Variants in TMEM30B observed in about 807,000 individuals in gnomAD.
The protein encoded by TMEM30B is cell division cycle 50 P4-ATPase accessory subunit B.
Under a neutral mutation model 27.9 loss-of-function variants are expected in TMEM30B, and 25 were observed. The observed-to-expected ratio is 0.89, with a 90% CI of 0.65 to 1.25. TMEM30B has a LOEUF of 1.25. Ranked by LOEUF, TMEM30B falls within the 50% of genes most tolerant of loss-of-function variation. The pLI, the probability that TMEM30B is intolerant of heterozygous loss-of-function variation, is 0.00. For synonymous variants in TMEM30B, 248 were observed against 238.5 expected, an observed-to-expected ratio of 1.04 and a Z score of -0.37; for missense variants, 536 against 506.5, an observed-to-expected ratio of 1.06 and a Z score of -0.56.
Position 61,278,648 on chromosome 14 carries a change from A to G in TMEM30B, c.*1444T>C, listed in dbSNP as rs1437780097. ...AAATACCAAATAACTGTTTGTTTTT[A>G]CCAAATAAACTGGTAAGATGATATC... On this transcript the variant is annotated 3_prime_UTR_variant, in exon 1 of 1. Coordinates refer to ENST00000555868, the MANE Select transcript of TMEM30B (RefSeq NM_001017970.3). 19 of 152,220 alleles carry G rather than the reference A, an allele frequency of 1.2e-4. 1 individual carries two copies. The allele number at this position is 152,220 out of a possible 1,614,324, so 9.4% of individuals were successfully genotyped here.
Position 61,281,217 on chromosome 14 carries a change from G to C in TMEM30B, c.-70C>G. On this transcript the variant is annotated 5_prime_UTR_variant, in exon 1 of 1. Coordinates refer to ENST00000555868, the MANE Select transcript of TMEM30B (RefSeq NM_001017970.3). ...CCCGCCGCGGGGCGCCTCCCTCTCC[G>C]CGCCGCGCAAGCCCGGGGACTGCTC... The C allele has an allele frequency of 2.9e-6, 3 of 1,035,718 alleles. No individual in the cohort carries two copies. The highest frequency in any genetic ancestry group is 3.8e-6 in the Non-Finnish European group (3 of 796,728). 64.2% of individuals were successfully genotyped at this position (1,035,718 alleles called of 1,614,324 possible).
rs1405762809 is a variant in TMEM30B, at chr14:61,279,318, T to G, written c.*774A>C. The G allele has an allele frequency of 6.6e-6, 1 of 152,234 alleles. No individual in the cohort carries two copies. Among genetic ancestry groups the G allele is most frequent in the Non-Finnish European group, 1.5e-5 (1 of 68,042 alleles). The allele number at this position is 152,234 out of a possible 1,614,324, so 9.4% of individuals were successfully genotyped here. On this transcript the variant is annotated 3_prime_UTR_variant, in exon 1 of 1. Coordinates refer to ENST00000555868, the MANE Select transcript of TMEM30B (RefSeq NM_001017970.3). The stretch of plus-strand genomic sequence containing the variant: ...CACAAATCATCAAGAGCTTCCTACG[T>G]TCAAGGCAGAGTGCCAGACCAAACC...
rs1049538521 is a variant in TMEM30B, at chr14:61,277,954, A to G, written c.*2138T>C. Reference sequence around the variant, plus strand: ...GTTTGTGCCTTTAAGATCATCGTTCAAAAGAATTCAGCAAACTCGATAACA... The same window carrying G: ...GTTTGTGCCTTTAAGATCATCGTTCGAAAGAATTCAGCAAACTCGATAACA... On this transcript the variant is annotated 3_prime_UTR_variant, in exon 1 of 1. Coordinates refer to ENST00000555868, the MANE Select transcript of TMEM30B (RefSeq NM_001017970.3). The G allele has an allele frequency of 7.9e-5, 12 of 152,224 alleles. No individual in the cohort carries two copies. The highest frequency in any genetic ancestry group is 2.4e-4 in the African/African-American group (10 of 41,462). The allele number at this position is 152,224 out of a possible 1,614,324, so 9.4% of individuals were successfully genotyped here. A position where few individuals can be genotyped will look rare whatever the true frequency, so the allele number is the denominator to read the frequency against.
Position 61,280,887 on chromosome 14 carries a change from C to G in TMEM30B, c.261G>C (p.Ala87=). ...SVCAAAGQGR[A]LPPPCSCAWY... ...AGGCGCACGAGCAGGGGGGCGGCAG[C>G]GCCCGGCCCTGGCCAGCCGCGGCGC... The change falls in exon 1 of 1, where the codon GCG becomes GCC. Residue 87 remains alanine, a synonymous_variant. Coordinates refer to ENST00000555868, the MANE Select transcript of TMEM30B (RefSeq NM_001017970.3). The surrounding 1 kb of genome is among the most constrained non-coding windows in gnomAD (Gnocchi z 5.0). 6.4e-7 allele frequency: 1 copy of G among 1,554,496 alleles called. No homozygotes were observed. The highest frequency in any genetic ancestry group is 8.6e-7 in the Non-Finnish European group (1 of 1,157,298).
chr14:61,279,479 G>C lies in TMEM30B; in HGVS notation c.*613C>G, dbSNP rs1201964681. On this transcript the variant is annotated 3_prime_UTR_variant, in exon 1 of 1. Coordinates refer to ENST00000555868, the MANE Select transcript of TMEM30B (RefSeq NM_001017970.3). Reference sequence around the variant, plus strand: ...AGGGAATATGGGACTCTCCAGTGGAGTTTGTTAAAACACAGCTTCGAGGAT... The same window carrying C: ...AGGGAATATGGGACTCTCCAGTGGACTTTGTTAAAACACAGCTTCGAGGAT... 6.6e-6 allele frequency: 1 copy of C among 152,330 alleles called. No homozygotes were observed. Among genetic ancestry groups the C allele is most frequent in the Non-Finnish European group, 1.5e-5 (1 of 68,142 alleles). The allele number at this position is 152,330 out of a possible 1,614,324, so 9.4% of individuals were successfully genotyped here.
chr14:61,279,471 C>G lies in TMEM30B; in HGVS notation c.*621G>C, dbSNP rs2045236461. 3 of 152,308 alleles carry G rather than the reference C, an allele frequency of 2.0e-5. No homozygotes were observed. Among genetic ancestry groups the G allele is most frequent in the Admixed American group, 2.0e-4 (3 of 15,276 alleles). 9.4% of individuals were successfully genotyped at this position (152,308 alleles called of 1,614,324 possible). A position where few individuals can be genotyped will look rare whatever the true frequency, so the allele number is the denominator to read the frequency against. On this transcript the variant is annotated 3_prime_UTR_variant, in exon 1 of 1. Coordinates refer to ENST00000555868, the MANE Select transcript of TMEM30B (RefSeq NM_001017970.3). ...CAAATTTGAGGGAATATGGGACTCT[C>G]CAGTGGAGTTTGTTAAAACACAGCT...
In TMEM30B at chr14:61,278,368, G is replaced by T. The variant is rs901782834; in HGVS notation, c.*1724C>A. 13 of 152,102 alleles carry T rather than the reference G, an allele frequency of 8.5e-5. No individual in the cohort carries two copies. The highest frequency in any genetic ancestry group is 2.0e-4 in the Admixed American group (3 of 15,272). The allele number at this position is 152,102 out of a possible 1,614,324, so 9.4% of individuals were successfully genotyped here. ...CACATTAAATTAACAAAGTATTTTT[G>T]GTATATGTAAATAATGGGATAGAAT... On this transcript the variant is annotated 3_prime_UTR_variant, in exon 1 of 1. Transcript: ENST00000555868.
chr14:61,279,996 G>A lies in TMEM30B; in HGVS notation c.*96C>T. ...CATTCACAAAGGGAGGAAAAGCTAG[G>A]CGAGGTTGGAATTGGGTGACGGGCG... On this transcript the variant is annotated 3_prime_UTR_variant, in exon 1 of 1. Coordinates refer to ENST00000555868, the MANE Select transcript of TMEM30B (RefSeq NM_001017970.3). 1 of 1,075,558 alleles carries A rather than the reference G, an allele frequency of 9.3e-7. No individual in the cohort carries two copies. The highest frequency in any genetic ancestry group is 1.7e-5 in the South Asian group (1 of 60,090). 66.6% of individuals were successfully genotyped at this position (1,075,558 alleles called of 1,614,324 possible).
Position 61,277,871 on chromosome 14 carries a change from T to C in TMEM30B, c.*2221A>G, listed in dbSNP as rs1437134857. 6.6e-6 allele frequency: 1 copy of C among 152,232 alleles called. No individual in the cohort carries two copies. The highest frequency in any genetic ancestry group is 1.5e-5 in the Non-Finnish European group (1 of 68,042). The allele number at this position is 152,232 out of a possible 1,614,324, so 9.4% of individuals were successfully genotyped here. A position where few individuals can be genotyped will look rare whatever the true frequency, so the allele number is the denominator to read the frequency against. On this transcript the variant is annotated 3_prime_UTR_variant, in exon 1 of 1. Transcript: ENST00000555868. ...TTTAACTGAATGTTACTATAAAAGATGGTTTTCTTGCTGCAATGTAAATCT... is the reference window on the plus strand; with the variant it reads ...TTTAACTGAATGTTACTATAAAAGACGGTTTTCTTGCTGCAATGTAAATCT...
At position 61,281,101 on chromosome 14, in the gene TMEM30B, G is replaced by A; in HGVS notation, c.47C>T (p.Thr16Ile). The change falls in exon 1 of 1, where the codon ACC (threonine) becomes ATC (isoleucine). Residue 16 changes from threonine (T) to isoleucine (I), a missense_variant. By Grantham distance (89) the Thr-to-Ile change is moderately conservative (BLOSUM62 -1). Coordinates refer to ENST00000555868, the MANE Select transcript of TMEM30B (RefSeq NM_001017970.3). Reference protein sequence around the residue: ...TARGAHQPDNTAFTQQRLPAW... With the variant: ...TARGAHQPDNIAFTQQRLPAW... ...GGGGAGGCGCTGCTGAGTGAAGGCG[G>A]TGTTGTCGGGCTGGTGGGCGCCCCG... is the stretch of plus-strand genomic sequence containing the variant. The A allele has an allele frequency of 1.4e-6, 2 of 1,476,600 alleles. No individual in the cohort carries two copies. Among genetic ancestry groups the A allele is most frequent in the South Asian group, 1.3e-5 (1 of 76,438 alleles). 91.5% of individuals were successfully genotyped at this position (1,476,600 alleles called of 1,614,324 possible).
Position 61,280,882 on chromosome 14 carries a change from G to C in TMEM30B, c.266C>G (p.Pro89Arg). The change falls in exon 1 of 1, where the codon CCG (proline) becomes CGG (arginine). Residue 89 changes from proline (P) to arginine (R), a missense_variant. Transcript: ENST00000555868. This position sits in a 1 kb window ranked among gnomAD's most constrained non-coding sequence, Gnocchi z 5.0. ...GTACCAGGCGCACGAGCAGGGGGGC[G>C]GCAGCGCCCGGCCCTGGCCAGCCGC... is the stretch of plus-strand genomic sequence containing the variant. ...CAAAGQGRAL[P>R]PPCSCAWYFS... 6.4e-7 allele frequency: 1 copy of C among 1,555,242 alleles called. No individual in the cohort carries two copies. The highest frequency in any genetic ancestry group is 8.6e-7 in the Non-Finnish European group (1 of 1,157,702).
At position 61,280,283 on chromosome 14, in the gene TMEM30B, A is replaced by G; in HGVS notation, c.865T>C (p.Tyr289His). 1 of 1,613,984 alleles carries G rather than the reference A, an allele frequency of 6.2e-7. No homozygotes were observed. Among genetic ancestry groups the G allele is most frequent in the Non-Finnish European group, 8.5e-7 (1 of 1,179,984 alleles). ...PRGAYRVNIT[Y>H]NYPVRAFGGH... is the part of the protein sequence containing the mutation. ...CCGAACGCGCGCACCGGGTAGTTGTAGGTGATGTTGACGCGGTAGGCGCCC... is the reference window on the plus strand; with the variant it reads ...CCGAACGCGCGCACCGGGTAGTTGTGGGTGATGTTGACGCGGTAGGCGCCC... Residue 289 changes from tyrosine (Y) to histidine (H), a missense_variant, in exon 1 of 1, where the codon TAC (tyrosine) becomes CAC (histidine). Tyr to His is a moderately conservative substitution (Grantham distance 83). Transcript: ENST00000555868. This position sits in a 1 kb window ranked among gnomAD's most constrained non-coding sequence, Gnocchi z 5.0.
In TMEM30B at chr14:61,281,085, C is replaced by G; in HGVS notation, c.63G>C (p.Gln21His). Reference sequence around the variant, plus strand: ...GCAGCGGCTGCCAGGCGGGGAGGCGCTGCTGAGTGAAGGCGGTGTTGTCGG... The same window carrying G: ...GCAGCGGCTGCCAGGCGGGGAGGCGGTGCTGAGTGAAGGCGGTGTTGTCGG... ...HQPDNTAFTQ[Q>H]RLPAWQPLLS... Residue 21 changes from glutamine (Q) to histidine (H), a missense_variant, in exon 1 of 1, where the codon CAG becomes CAC. Gln to His is a conservative substitution (Grantham distance 24). Coordinates refer to ENST00000555868, the MANE Select transcript of TMEM30B (RefSeq NM_001017970.3). The G allele has an allele frequency of 2.6e-6, 4 of 1,512,656 alleles. No homozygotes were observed. Among genetic ancestry groups the G allele is most frequent in the Non-Finnish European group, 3.5e-6 (4 of 1,134,620 alleles). The allele number at this position is 1,512,656 out of a possible 1,614,324, so 93.7% of individuals were successfully genotyped here.
At position 61,279,694 on chromosome 14, in the gene TMEM30B, A is replaced by C. The variant is rs2045238487; in HGVS notation, c.*398T>G. On this transcript the variant is annotated 3_prime_UTR_variant, in exon 1 of 1. Transcript: ENST00000555868. The stretch of plus-strand genomic sequence containing the variant: ...TGTACTGTAGTGGCGAAAGCCCTGG[A>C]CTCAAGATTCAGGAGTCACTTGCAG... 1 of 188,318 alleles carries C rather than the reference A, an allele frequency of 5.3e-6. No individual in the cohort carries two copies. Among genetic ancestry groups the C allele is most frequent in the African/African-American group, 2.4e-5 (1 of 42,128 alleles). The allele number at this position is 188,318 out of a possible 1,614,324, so 11.7% of individuals were successfully genotyped here.
Position 61,279,998 on chromosome 14 carries a change from G to T in TMEM30B, c.*94C>A, listed in dbSNP as rs920351967. The stretch of plus-strand genomic sequence containing the variant: ...TTCACAAAGGGAGGAAAAGCTAGGC[G>T]AGGTTGGAATTGGGTGACGGGCGAG... On this transcript the variant is annotated 3_prime_UTR_variant, in exon 1 of 1. Coordinates refer to ENST00000555868, the MANE Select transcript of TMEM30B (RefSeq NM_001017970.3). 9.2e-7 allele frequency: 1 copy of T among 1,086,590 alleles called. No individual in the cohort carries two copies. Among genetic ancestry groups the T allele is most frequent in the Non-Finnish European group, 1.3e-6 (1 of 765,114 alleles). The allele number at this position is 1,086,590 out of a possible 1,614,324, so 67.3% of individuals were successfully genotyped here.
rs1364092697 is a variant in TMEM30B at position 61,280,426 on chromosome 14, T to C, written c.722A>G (p.Asn241Ser). 6.8e-6 allele frequency: 11 copies of C among 1,613,816 alleles called. No homozygotes were observed. Among genetic ancestry groups the C allele is most frequent in the Non-Finnish European group, 8.5e-6 (10 of 1,179,862 alleles). The change falls in exon 1 of 1, where the codon AAC becomes AGC. Residue 241 changes from asparagine to serine, a missense_variant. Transcript: ENST00000555868. This position sits in a 1 kb window ranked among gnomAD's most constrained non-coding sequence, Gnocchi z 5.0. ...RPVYELSPDP[N>S]NTGFINQDFV... ...GTCCTGATTGATGAAGCCGGTGTTG[T>C]TGGGGTCGGGGCTGAGCTCGTAGAC... is the stretch of plus-strand genomic sequence containing the variant.
chr14:61,280,146 G>C lies in TMEM30B; in HGVS notation c.1002C>G (p.Val334=), dbSNP rs201229810. ...VGSLCILTGF[V]MLVVYIRYQD... The stretch of plus-strand genomic sequence containing the variant: ...GGTAGCGAATGTAGACGACCAGCAT[G>C]ACAAAGCCGGTGAGGATGCAGAGGG... Residue 334 remains valine, a synonymous_variant, in exon 1 of 1, where the codon GTC becomes GTG. Coordinates refer to ENST00000555868, the MANE Select transcript of TMEM30B (RefSeq NM_001017970.3). The surrounding 1 kb of genome is among the most constrained non-coding windows in gnomAD (Gnocchi z 5.0). 6.2e-7 allele frequency: 1 copy of C among 1,614,032 alleles called. No homozygotes were observed. Among genetic ancestry groups the C allele is most frequent in the African/African-American group, 1.3e-5 (1 of 75,046 alleles).
chr14:61,281,087 G>C lies in TMEM30B; in HGVS notation c.61C>G (p.Gln21Glu). 6.6e-7 allele frequency: 1 copy of C among 1,510,846 alleles called. No homozygotes were observed. Among genetic ancestry groups the C allele is most frequent in the South Asian group, 1.2e-5 (1 of 80,304 alleles). 93.6% of individuals were successfully genotyped at this position (1,510,846 alleles called of 1,614,324 possible). A position where few individuals can be genotyped will look rare whatever the true frequency, so the allele number is the denominator to read the frequency against. ...HQPDNTAFTQ[Q>E]RLPAWQPLLS... Reference sequence around the variant, plus strand: ...AGCGGCTGCCAGGCGGGGAGGCGCTGCTGAGTGAAGGCGGTGTTGTCGGGC... The same window carrying C: ...AGCGGCTGCCAGGCGGGGAGGCGCTCCTGAGTGAAGGCGGTGTTGTCGGGC... The change falls in exon 1 of 1, where the codon CAG becomes GAG. Residue 21 changes from glutamine (Q) to glutamate (E), a missense_variant. Transcript: ENST00000555868.
At position 61,280,567 on chromosome 14, in the gene TMEM30B, G is replaced by A. The variant is rs202145074; in HGVS notation, c.581C>T (p.Ser194Phe). Residue 194 changes from serine (S) to phenylalanine (F), a missense_variant, in exon 1 of 1, where the codon TCC (serine) becomes TTC (phenylalanine). Coordinates refer to ENST00000555868, the MANE Select transcript of TMEM30B (RefSeq NM_001017970.3). This position sits in a 1 kb window ranked among gnomAD's most constrained non-coding sequence, Gnocchi z 5.0. ...GTAGTCGGTCCACCAGGCGATGCCG[G>A]AGCGGTCGAGCGGCACCTCGACGTA... ...GPYVEVPLDR[S>F]GIAWWTDYHV... The A allele has an allele frequency of 7.7e-5, 123 of 1,604,744 alleles. No homozygotes were observed. Among genetic ancestry groups the A allele is most frequent in the Admixed American group, 1.2e-4 (7 of 58,438 alleles).
Sources: gnomAD v4.1 joint callset for allele counts on GRCh38, gnomAD v4.1.1 for gene constraint, Gnocchi (gnomAD v3.1) non-coding constraint, MANE v1.5 for transcripts, NCBI Gene and HGNC (gene_info 2026-07-23, HGNC 2026-07-21) for gene names.